Variants in ZNF445 observed in about 807,000 individuals in gnomAD.
The protein encoded by ZNF445 is zinc finger protein 445.
Under a neutral mutation model 93.9 loss-of-function variants are expected in ZNF445, and 19 were observed. That is an observed-to-expected ratio of 0.20 (90% confidence interval 0.14 to 0.30). ZNF445 has a LOEUF of 0.30. Among genes scored for constraint, ZNF445 ranks in the 10% least tolerant of loss-of-function variants. The pLI is 1.00. For missense variants in ZNF445, 1,058 were observed against 1,259.4 expected (o/e 0.84, Z 2.42); for synonymous variants, 449 against 446.3 (o/e 1.01, Z -0.08).
At position 44,463,955 on chromosome 3, in the gene ZNF445, C is replaced by T. The variant is rs553262740; in HGVS notation, c.-268-5591G>A. On this transcript the variant is annotated intron_variant, in intron 1 of 7. Coordinates refer to ENST00000396077, the MANE Select transcript of ZNF445 (RefSeq NM_181489.6). ...CAGCCTGGCCAATACGGTGAAACCT[C>T]GTCTCTACTAAAATGCAGAAATTAG... Among the ~76,000 whole-genome samples the T allele has an allele frequency of 3.5e-4, 53 of 152,232 alleles. 1 individual carries two copies. The highest frequency in any genetic ancestry group is 1.1e-3 in the African/African-American group (47 of 41,532).
At position 44,437,040 on chromosome 3, in the gene ZNF445, T is replaced by C. The variant is rs1425012963; in HGVS notation, c.*9535A>G. 2.6e-5 allele frequency: 4 copies of C among 152,164 alleles called. No homozygotes were observed. The highest frequency in any genetic ancestry group is 5.9e-5 in the Non-Finnish European group (4 of 68,040). 9.4% of individuals were successfully genotyped at this position (152,164 alleles called of 1,614,324 possible). A position where few individuals can be genotyped will look rare whatever the true frequency, so the allele number is the denominator to read the frequency against. On this transcript the variant is annotated 3_prime_UTR_variant, in exon 8 of 8. Coordinates refer to ENST00000396077, the MANE Select transcript of ZNF445 (RefSeq NM_181489.6). ...AAGGAATAAAAGAATGGCTACTCCA[T>C]AGACAGAGCAGCCCCGAGGGCTGCT...
chr3:44,464,467 A>T (rs1456094201), intron 1 of ZNF445, among the ~76,000 whole-genome samples: 1 of 152,226 alleles, frequency 6.6e-6, no homozygotes, highest in Non-Finnish European at 1.5e-5. Context: ...TAAACGTTTA[A>T]ATCAAATATT....
rs1488898150 is a variant in ZNF445, at chr3:44,431,978, C to A, written c.*14597G>T. Reference sequence around the variant, plus strand: ...TTCTGGGCACCATTTCAGCTCACAGCAACCTCTGCCTCCTGTGTTCAAGCT... The same window carrying A: ...TTCTGGGCACCATTTCAGCTCACAGAAACCTCTGCCTCCTGTGTTCAAGCT... On this transcript the variant is annotated 3_prime_UTR_variant, in exon 8 of 8. Coordinates refer to ENST00000396077, the MANE Select transcript of ZNF445 (RefSeq NM_181489.6). 1 of 152,166 alleles carries A rather than the reference C, an allele frequency of 6.6e-6. No homozygotes were observed. Among genetic ancestry groups the A allele is most frequent in the African/African-American group, 2.4e-5 (1 of 41,432 alleles). 9.4% of individuals were successfully genotyped at this position (152,166 alleles called of 1,614,324 possible).
chr3:44,462,711 C>G (rs191064934), intron 1 of ZNF445, among the ~76,000 whole-genome samples: 1 of 152,026 alleles, frequency 6.6e-6, no homozygotes, highest in East Asian at 1.9e-4. Context: ...CTTACCATCT[C>G]TTTGAGACAC....
At chr3:44,461,601 C>A (rs1698114848) in intron 1 of ZNF445, among the ~76,000 whole-genome samples, 1 of 151,962 alleles carries the variant, frequency 6.6e-6, no homozygotes, top group Non-Finnish European at 1.5e-5. Context: ...TGCCCAGAGA[C>A]CCCATTGTGA....
rs570339253 is a variant in ZNF445 at position 44,476,381 on chromosome 3, T to C, written c.-269+1210A>G. On this transcript the variant is annotated intron_variant, in intron 1 of 7. Coordinates refer to ENST00000396077, the MANE Select transcript of ZNF445 (RefSeq NM_181489.6). ...GCTTACAGTAAGACTTTTTTTTTTT[T>C]CTAACCAAAATGTGTCTGCCTTTCA... is the stretch of plus-strand genomic sequence containing the variant. Among the ~76,000 whole-genome samples the C allele has an allele frequency of 1.7e-4, 25 of 150,040 alleles. No homozygotes were observed. The South Asian group carries it at 3.1e-3, about 19-fold the overall frequency.
rs1698060204 is a variant in ZNF445, at chr3:44,458,282, T to C, written c.-186A>G. On this transcript the variant is annotated 5_prime_UTR_variant, in exon 2 of 8. Coordinates refer to ENST00000396077, the MANE Select transcript of ZNF445 (RefSeq NM_181489.6). The stretch of plus-strand genomic sequence containing the variant: ...TACTCGGGAGGCTGAGGCAGAAGAA[T>C]CACTTGAACCCAGGAGGCGGAGGCT... The C allele has an allele frequency of 1.3e-5, 2 of 152,060 alleles. No individual in the cohort carries two copies. Among genetic ancestry groups the C allele is most frequent in the South Asian group, 4.1e-4 (2 of 4,822 alleles). The allele number at this position is 152,060 out of a possible 1,614,324, so 9.4% of individuals were successfully genotyped here.
chr3:44,442,288 A>G lies in ZNF445; in HGVS notation c.*4287T>C, dbSNP rs1697821871. 1 of 152,218 alleles carries G rather than the reference A, an allele frequency of 6.6e-6. No individual in the cohort carries two copies. The highest frequency in any genetic ancestry group is 2.4e-5 in the African/African-American group (1 of 41,444). The allele number at this position is 152,218 out of a possible 1,614,324, so 9.4% of individuals were successfully genotyped here. ...TTTTCCCAATCTTGCTACCTAAACA[A>G]TACTTCAGTGAAGTCTTAAAATCAT... On this transcript the variant is annotated 3_prime_UTR_variant, in exon 8 of 8. Coordinates refer to ENST00000396077, the MANE Select transcript of ZNF445 (RefSeq NM_181489.6).
In ZNF445 at chr3:44,449,136, AAGAAC is replaced by A. The variant is rs577154643; in HGVS notation, c.931+372_931+376del. ...TACAAAAAGAAGGACCAAGAAAAGA[AAGAAC>A]AGGAGTGGGATGAGGGCTCCTAAGA... On this transcript the variant is annotated intron_variant, in intron 7 of 7. Coordinates refer to ENST00000396077, the MANE Select transcript of ZNF445 (RefSeq NM_181489.6). Among the ~76,000 whole-genome samples, 569 of 152,288 alleles carry A rather than the reference AAGAAC, an allele frequency of 3.7e-3. 7 individuals are homozygous for A. Among genetic ancestry groups the A allele is most frequent in the African/African-American group, 0.013 (542 of 41,564 alleles).
Position 44,447,649 on chromosome 3 carries a change from AGCACCCTGGGGCT to A in ZNF445, c.2009_2021del (p.Gln670LeufsTer60). 1 of 1,614,110 alleles carries A rather than the reference AGCACCCTGGGGCT, an allele frequency of 6.2e-7. No individual in the cohort carries two copies. The highest frequency in any genetic ancestry group is 8.5e-7 in the Non-Finnish European group (1 of 1,180,036). The stretch of plus-strand genomic sequence containing the variant: ...ACAGAAATGTTTTCTCCACAGCGGG[AGCACCCTGGGGCT>A]GACTGCAGTCAGGAGATTGCCTGAA... On this transcript the variant is annotated frameshift_variant, in exon 8 of 8. Coordinates refer to ENST00000396077, the MANE Select transcript of ZNF445 (RefSeq NM_181489.6). LOFTEE classifies it high-confidence loss of function. The surrounding 1 kb of genome is among the most constrained non-coding windows in gnomAD (Gnocchi z 4.7).
At chr3:44,451,961 G>A (rs1301572164) in intron 3 of ZNF445, among the ~76,000 whole-genome samples, 2 of 152,194 alleles carry the variant, frequency 1.3e-5, no homozygotes, top group African/African-American at 4.8e-5. Context: ...ACTCAAAGAG[G>A]CAGGCTAGCT....
At chr3:44,473,248 A>G (rs1698296071) in intron 1 of ZNF445, among the ~76,000 whole-genome samples, 1 of 152,052 alleles carries the variant, frequency 6.6e-6, no homozygotes, top group Non-Finnish European at 1.5e-5. Context: ...TGAGGTTGGG[A>G]GTTCGAGACC....
chr3:44,448,678 T>C lies in ZNF445; in HGVS notation c.993A>G (p.Ala331=), dbSNP rs1697914665. Residue 331 remains alanine (A), a synonymous_variant, in exon 8 of 8, where the codon GCA becomes GCG. Transcript: ENST00000396077. ...ATCCTGATGACACAGCTAAGGTTTCTGCTTCTTCCAAAGGTTCCTGATTTA... is the reference window on the plus strand; with the variant it reads ...ATCCTGATGACACAGCTAAGGTTTCCGCTTCTTCCAAAGGTTCCTGATTTA... ...FILNQEPLEE[A]ETLAVSSGCP... is the part of the protein sequence containing the mutation. The C allele has an allele frequency of 6.2e-7, 1 of 1,613,974 alleles. No individual in the cohort carries two copies. Among genetic ancestry groups the C allele is most frequent in the Non-Finnish European group, 8.5e-7 (1 of 1,180,002 alleles).
intron 1 of ZNF445, among the ~76,000 whole-genome samples, chr3:44,460,373 C>G (rs1698094879): frequency 6.6e-6 from 1 of 152,148 alleles, no homozygotes; most frequent in Non-Finnish European, 1.5e-5. Flanking sequence ...TGCCTGGGGA[C>G]TAGATTGCCT....
intron 1 of ZNF445, among the ~76,000 whole-genome samples, chr3:44,476,266 G>A (rs1003540702): frequency 6.6e-6 from 1 of 152,110 alleles, no homozygotes; most frequent in African/African-American, 2.4e-5. Context: ...AAAACCTAGC[G>A]GTGGAATACT....
chr3:44,470,988 A>T (rs1698261333), intron 1 of ZNF445, among the ~76,000 whole-genome samples: 2 of 152,208 alleles, frequency 1.3e-5, no homozygotes, highest in African/African-American at 4.8e-5. Context: ...CCAAAACACA[A>T]CATGCAAAAC....
intron 2 of ZNF445, among the ~76,000 whole-genome samples, chr3:44,456,726 A>C (rs1211042012): frequency 1.3e-5 from 2 of 152,358 alleles, no homozygotes; most frequent in Non-Finnish European, 2.9e-5. Flanking sequence ...AATCCTGAGA[A>C]TCCAATCCCC....
At chr3:44,473,271 A>G (rs1017021234) in intron 1 of ZNF445, among the ~76,000 whole-genome samples, 3 of 152,050 alleles carry the variant, frequency 2.0e-5, no homozygotes, top group Admixed American at 6.6e-5. Flanking sequence ...CCTGACCAAC[A>G]TGGAGAAACC....
At chr3:44,463,921 G>A (rs551273155) in intron 1 of ZNF445, among the ~76,000 whole-genome samples, 4 of 152,234 alleles carry the variant, frequency 2.6e-5, no homozygotes, top group African/African-American at 7.2e-5. Flanking sequence ...GAGGTCAGGA[G>A]TTCAAGACCA....
Sources: gnomAD v4.1 joint callset for allele counts (sites outside exome capture counted in the v4.1 genomes callset) on GRCh38, gnomAD v4.1.1 for gene constraint, Gnocchi (gnomAD v3.1) non-coding constraint, MANE v1.5 for transcripts, NCBI Gene and HGNC (gene_info 2026-07-23, HGNC 2026-07-21) for gene names.